NRP1: variants seen among roughly 807,000 people sequenced by gnomAD.
NRP1 encodes the protein neuropilin 1, also known as neuropilin-1.
Under a neutral mutation model 106.7 loss-of-function variants are expected in NRP1, and 35 were observed. The ratio of observed to expected loss-of-function variants is 0.33; its 90% CI spans 0.25 to 0.43. NRP1 has a LOEUF of 0.43. Ranked by LOEUF, NRP1 falls within the 20% of genes least tolerant of loss-of-function variation. The probability of loss-of-function intolerance (pLI) is 1.00; values close to 1 mark genes in which losing one functional copy is unlikely to be tolerated. For missense variants in NRP1, 1,024 were observed against 1,170.4 expected (o/e 0.87, Z 1.83); for synonymous variants, 437 against 417.9 (o/e 1.05, Z -0.56).
Position 33,197,649 on chromosome 10 carries a change from C to G in NRP1, c.1924+1G>C. 1 of 1,598,840 alleles carries G rather than the reference C, an allele frequency of 6.3e-7. No individual in the cohort carries two copies. The highest frequency in any genetic ancestry group is 8.5e-7 in the Non-Finnish European group (1 of 1,172,090). The stretch of plus-strand genomic sequence containing the variant: ...GTCACATTTCGTATTTTATTTGATA[C>G]CTGATTGTATGGTGCTGTCTATGAC... On this transcript the variant is annotated splice_donor_variant, in intron 12 of 16. Transcript: ENST00000374867. LOFTEE classifies it high-confidence loss of function.
chr10:33,263,831 A>G lies in NRP1; in HGVS notation c.473T>C (p.Ile158Thr), dbSNP rs1190789897. The G allele has an allele frequency of 4.3e-6, 7 of 1,613,660 alleles. No homozygotes were observed. The highest frequency in any genetic ancestry group is 5.1e-6 in the Non-Finnish European group (6 of 1,179,650). ...TTTTTCAGGGAATCCGGGGGACTTTATCACTCCACTAGGTGTTGTGTAGTT... is the reference window on the plus strand; with the variant it reads ...TTTTTCAGGGAATCCGGGGGACTTTGTCACTCCACTAGGTGTTGTGTAGTT... ...SQNYTTPSGV[I>T]KSPGFPEKYP... The change falls in exon 4 of 17, where the codon ATA (isoleucine) becomes ACA (threonine). Residue 158 changes from isoleucine to threonine, a missense_variant. Physicochemically the swap from Ile to Thr is moderately conservative, Grantham distance 89 (BLOSUM62 -1). Coordinates refer to ENST00000374867, the MANE Select transcript of NRP1 (RefSeq NM_003873.7).
At chr10:33,320,005 G>A (rs12257894) in intron 2 of NRP1, among the ~76,000 whole-genome samples, 11,858 of 151,964 alleles carry the variant, frequency 0.078, 602 homozygotes, top group African/African-American at 0.14. Context: ...GGGGGCGCGC[G>A]GGGCATGCGT....
chr10:33,187,109 G>A (rs1305216710), intron 13 of NRP1, among the ~76,000 whole-genome samples: 1 of 152,078 alleles, frequency 6.6e-6, no homozygotes, highest in Non-Finnish European at 1.5e-5. Context: ...CTGGCCTCAA[G>A]CAATCCTCCC....
chr10:33,204,034 T>C (rs1837564722), intron 10 of NRP1, among the ~76,000 whole-genome samples: 1 of 152,166 alleles, frequency 6.6e-6, no homozygotes, highest in Non-Finnish European at 1.5e-5. Context: ...TTAAATTTCG[T>C]TCAGATATTT....
chr10:33,222,745 G>T (rs545909799), intron 7 of NRP1, among the ~76,000 whole-genome samples: 1 of 152,240 alleles, frequency 6.6e-6, no homozygotes, highest in Non-Finnish European at 1.5e-5. Flanking sequence ...GGCTGGTGTT[G>T]AATTCCTTAC....
intron 6 of NRP1, among the ~76,000 whole-genome samples, chr10:33,231,195 T>A (rs751224604): frequency 2.2e-4 from 34 of 152,218 alleles, no homozygotes; most frequent in Admixed American, 3.9e-4. Flanking sequence ...ATAGCTCATG[T>A]CCCCATCACT....
At chr10:33,219,820 T>C (rs1410520019) in intron 8 of NRP1, among the ~76,000 whole-genome samples, 1 of 152,214 alleles carries the variant, frequency 6.6e-6, no homozygotes, top group African/African-American at 2.4e-5. Flanking sequence ...CTCATTTTTT[T>C]TAAATACAAT....
At chr10:33,325,880 C>T (rs186453516) in intron 2 of NRP1, among the ~76,000 whole-genome samples, 1 of 152,260 alleles carries the variant, frequency 6.6e-6, no homozygotes, top group Admixed American at 6.5e-5. Flanking sequence ...AGCAACTGTG[C>T]CATGATATGA....
At chr10:33,291,626 A>C (rs1196254377) in intron 2 of NRP1, among the ~76,000 whole-genome samples, 1 of 152,216 alleles carries the variant, frequency 6.6e-6, no homozygotes, top group East Asian at 1.9e-4. Context: ...GCAAATATAC[A>C]ATTTTTGATA....
rs532886142 is a variant in NRP1 at position 33,192,659 on chromosome 10, C to T, written c.1925-241G>A. On this transcript the variant is annotated intron_variant, in intron 12 of 16. Coordinates refer to ENST00000374867, the MANE Select transcript of NRP1 (RefSeq NM_003873.7). ...AATCCAGCTTTAAAAGGATTATGGACTGCCTGTCAAATTGGGTTTACATAA... is the reference window on the plus strand; with the variant it reads ...AATCCAGCTTTAAAAGGATTATGGATTGCCTGTCAAATTGGGTTTACATAA... 6.6e-5 allele frequency among the ~76,000 whole-genome samples: 10 copies of T among 152,282 alleles called. No homozygotes were observed. The East Asian group carries it at 1.7e-3, about 26-fold the overall frequency.
In NRP1 at chr10:33,185,678, G is replaced by A; in HGVS notation, c.2381C>T (p.Ala794Val). 3 of 1,614,094 alleles carry A rather than the reference G, an allele frequency of 1.9e-6. No homozygotes were observed. The highest frequency in any genetic ancestry group is 2.5e-6 in the Non-Finnish European group (3 of 1,179,966). Residue 794 changes from alanine to valine, a missense_variant, in exon 15 of 17, where the codon GCT (alanine) becomes GTT (valine). By Grantham distance (64) the Ala-to-Val change is moderately conservative. Transcript: ENST00000374867. ...GTTATTAATACTAATGTCATCCACA[G>A]CAATCCCACCAAGGTTTCCTTTTCC... ...EIGKGNLGGI[A>V]VDDISINNHI...
chr10:33,241,078 TGTAATTAGA>T (rs1320593683), intron 6 of NRP1, among the ~76,000 whole-genome samples: 4 of 152,184 alleles, frequency 2.6e-5, no homozygotes, highest in Admixed American at 2.0e-4. Flanking sequence ...GAAAATCTTG[TGTAATTAGA>T]ATTCACAGCA....
At chr10:33,206,709 AT>A (rs1837814198) in intron 10 of NRP1, among the ~76,000 whole-genome samples, 1 of 152,186 alleles carries the variant, frequency 6.6e-6, no homozygotes, top group Non-Finnish European at 1.5e-5. Flanking sequence ...CAAGACCTCT[AT>A]GGGGATAGAA....
chr10:33,306,697 G>C (rs964484525), intron 2 of NRP1, among the ~76,000 whole-genome samples: 3 of 152,150 alleles, frequency 2.0e-5, no homozygotes, highest in Non-Finnish European at 4.4e-5. Context: ...CTAAGGAAAA[G>C]CAACTGTATG....
chr10:33,219,214 C>T (rs2269096), intron 8 of NRP1, among the ~76,000 whole-genome samples: 46,664 of 151,982 alleles, frequency 0.31, 7,421 homozygotes, highest in East Asian at 0.62. Flanking sequence ...CAAATTTCCT[C>T]TCATTGACTC....
chr10:33,292,063 G>A (rs186210491), intron 2 of NRP1, among the ~76,000 whole-genome samples: 6 of 152,034 alleles, frequency 3.9e-5, no homozygotes, highest in Non-Finnish European at 5.9e-5. Flanking sequence ...GCCATCACAC[G>A]TGGCTAATAT....
At position 33,303,562 on chromosome 10, in the gene NRP1, C is replaced by A. The variant is rs117041787; in HGVS notation, c.248+27146G>T. ...TATTTCATTTCTAATTGACAATGACCTGGGCCTTACTTCATTGTAATAAGG... is the reference window on the plus strand; with the variant it reads ...TATTTCATTTCTAATTGACAATGACATGGGCCTTACTTCATTGTAATAAGG... On this transcript the variant is annotated intron_variant, in intron 2 of 16. Coordinates refer to ENST00000374867, the MANE Select transcript of NRP1 (RefSeq NM_003873.7). Among the ~76,000 whole-genome samples, 32 of 152,222 alleles carry A rather than the reference C, an allele frequency of 2.1e-4. 1 individual carries two copies. The East Asian group carries it at 4.8e-3, about 23-fold the overall frequency.
chr10:33,324,092 A>C (rs1170280446), intron 2 of NRP1, among the ~76,000 whole-genome samples: 1 of 152,238 alleles, frequency 6.6e-6, no homozygotes, highest in African/African-American at 2.4e-5. Context: ...GTAATACTCA[A>C]AATTCATTAT....
At chr10:33,328,418 A>G (rs1373151513) in intron 2 of NRP1, among the ~76,000 whole-genome samples, 1 of 152,138 alleles carries the variant, frequency 6.6e-6, no homozygotes, top group Non-Finnish European at 1.5e-5. Context: ...TGTTGAATGA[A>G]CCAGATGACC....
Sources: gnomAD v4.1 joint callset for allele counts (sites outside exome capture counted in the v4.1 genomes callset) on GRCh38, gnomAD v4.1.1 for gene constraint, MANE v1.5 for transcripts, NCBI Gene and HGNC (gene_info 2026-07-23, HGNC 2026-07-21) for gene names.